Variants in CDH23 observed in about 807,000 individuals in gnomAD.
The protein encoded by CDH23 is cadherin related 23, also known as cadherin-23.
In CDH23, 189 loss-of-function variants were observed where a neutral mutation model predicts 317.1. The ratio of observed to expected loss-of-function variants is 0.60; its 90% confidence interval spans 0.53 to 0.67. CDH23 has a LOEUF of 0.67. Among genes scored for constraint, CDH23 ranks in the 30% least tolerant of loss-of-function variants. The probability of loss-of-function intolerance (pLI) is 0.00; values close to 1 mark genes in which losing one functional copy is unlikely to be tolerated. For missense variants in CDH23, 4,401 were observed against 4,592.4 expected (o/e 0.96, Z 1.20); for synonymous variants, 1,839 against 1,876.8 (o/e 0.98, Z 0.52).
chr10:71,402,577 G>T (rs1191775028), intron 1 of CDH23, among the ~76,000 whole-genome samples: 2 of 152,214 alleles, frequency 1.3e-5, no homozygotes, highest in South Asian at 2.1e-4. Context: ...CATGCAAAAT[G>T]TAGTAGCTTT....
intron 18 of CDH23, among the ~76,000 whole-genome samples, chr10:71,687,252 C>T (rs528998406): frequency 2.6e-5 from 4 of 152,286 alleles, no homozygotes; most frequent in Non-Finnish European, 5.9e-5. Flanking sequence ...GGTGGACCTA[C>T]GCAGGGGTCC....
At chr10:71,602,813 C>T (rs554267157) in intron 9 of CDH23, among the ~76,000 whole-genome samples, 2 of 152,324 alleles carry the variant, frequency 1.3e-5, no homozygotes, top group Admixed American at 6.5e-5. Flanking sequence ...CCTTATCTCA[C>T]TGAACCTCTA....
chr10:71,595,729 A>G (rs1460611238), intron 9 of CDH23, among the ~76,000 whole-genome samples: 1 of 152,114 alleles, frequency 6.6e-6, no homozygotes, highest in East Asian at 1.9e-4. Flanking sequence ...TGCGGGAGTC[A>G]TTGCCTCCCA....
At chr10:71,739,621 C>T in intron 35 of CDH23, 23 bp from the exon 36 acceptor site, 1 of 1,610,622 alleles carries the variant, frequency 6.2e-7, no homozygotes, top group Non-Finnish European at 8.5e-7. Flanking sequence ...CTGCTCACCC[C>T]TCACCCTCTC....
At chr10:71,705,692 G>A (rs918551186) in intron 25 of CDH23, among the ~76,000 whole-genome samples, 5 of 152,176 alleles carry the variant, frequency 3.3e-5, no homozygotes, top group African/African-American at 7.2e-5. Flanking sequence ...GTGAAGGGAC[G>A]GGGTACTGTT....
intron 14 of CDH23, among the ~76,000 whole-genome samples, chr10:71,649,236 C>T (rs1329552048): frequency 2.0e-5 from 3 of 152,340 alleles, no homozygotes; most frequent in African/African-American, 7.2e-5. Context: ...CTCTCCACCT[C>T]CTCTGCCACA....
intron 14 of CDH23, among the ~76,000 whole-genome samples, chr10:71,648,808 G>A (rs969295219): frequency 6.6e-6 from 1 of 152,126 alleles, no homozygotes; most frequent in Non-Finnish European, 1.5e-5. Context: ...CTGGGTTCCT[G>A]GCTTCCTTCA....
In CDH23 at chr10:71,442,494, G is replaced by T. The variant is rs552439968; in HGVS notation, c.67+2596G>T. Among the ~76,000 whole-genome samples the T allele has an allele frequency of 6.8e-4, 103 of 152,232 alleles. 1 individual carries two copies. Among genetic ancestry groups the T allele is most frequent in the African/African-American group, 2.0e-3 (85 of 41,532 alleles). On this transcript the variant is annotated intron_variant, in intron 2 of 69. Transcript: ENST00000224721. ...TCCACCTGACCCCGTCACCCCAGCC[G>T]ATCTCTACCCCCCTACCTGGTAGTC...
Position 71,495,049 on chromosome 10 carries a change from C to A in CDH23, c.146-15033C>A, listed in dbSNP as rs574033888. On this transcript the variant is annotated intron_variant, in intron 3 of 69. Coordinates refer to ENST00000224721, the MANE Select transcript of CDH23 (RefSeq NM_022124.6). ...CCACCACGGAGCCCCAGCCCTGCCC[C>A]TGAGTGGGGGCAGGGCCTCTGCCAA... Among the ~76,000 whole-genome samples the A allele has an allele frequency of 2.6e-5, 4 of 152,298 alleles. No homozygotes were observed. The South Asian group carries it at 8.3e-4, about 32-fold the overall frequency.
chr10:71,741,180 C>T (rs562171357), intron 37 of CDH23, among the ~76,000 whole-genome samples: 2 of 152,298 alleles, frequency 1.3e-5, no homozygotes, highest in African/African-American at 4.8e-5. Flanking sequence ...AGAAAGTTGC[C>T]TTTCACCAGA....
chr10:71,634,311 A>G (rs1286467166), intron 11 of CDH23, among the ~76,000 whole-genome samples: 1 of 152,242 alleles, frequency 6.6e-6, no homozygotes, highest in Admixed American at 6.5e-5. Flanking sequence ...CTGGGTGCAC[A>G]CATCCTTTTG....
At chr10:71,767,766 T>C (rs1840588517) in intron 38 of CDH23, among the ~76,000 whole-genome samples, 1 of 152,202 alleles carries the variant, frequency 6.6e-6, no homozygotes, top group African/African-American at 2.4e-5. Flanking sequence ...GATGTGTTTA[T>C]TGATACCTGC....
chr10:71,728,189 T>TC (rs965340988), intron 30 of CDH23, among the ~76,000 whole-genome samples: 3 of 151,438 alleles, frequency 2.0e-5, no homozygotes, highest in Non-Finnish European at 4.4e-5. Flanking sequence ...CCATGCAAAC[T>TC]CCCCCCCGCA....
intron 11 of CDH23, among the ~76,000 whole-genome samples, chr10:71,628,746 C>T (rs1589276888): frequency 1.3e-5 from 2 of 152,236 alleles, no homozygotes; most frequent in Admixed American, 1.3e-4. Flanking sequence ...GATCCTCCTG[C>T]CTCATCCTCC....
At chr10:71,739,878 C>T (rs541769648) in intron 36 of CDH23, 106 bp downstream of exon 36, 2 of 1,309,738 alleles carry the variant, frequency 1.5e-6, no homozygotes, top group African/African-American at 2.9e-5. Flanking sequence ...CTCTGGTGGT[C>T]AGTGCCCCTG....
At position 71,730,926 on chromosome 10, in the gene CDH23, G is replaced by A. The variant is rs1187082770; in HGVS notation, c.3715+322G>A. Among the ~76,000 whole-genome samples the A allele has an allele frequency of 3.3e-5, 5 of 152,234 alleles. No individual in the cohort carries two copies. The East Asian group carries it at 9.6e-4, about 29-fold the overall frequency. On this transcript the variant is annotated intron_variant, in intron 31 of 69. Coordinates refer to ENST00000224721, the MANE Select transcript of CDH23 (RefSeq NM_022124.6). ...GAGGGGCTGGGCAGAGCTGGGAGGG[G>A]TAAAGAGGACCGGTCAGAAAGCTGG...
At position 71,689,163 on chromosome 10, in the gene CDH23, GGAGTCAGGGGTGGTA is replaced by G. The variant is rs1564734178; in HGVS notation, c.2060-1290_2060-1276del. On this transcript the variant is annotated intron_variant, in intron 19 of 69. Transcript: ENST00000224721. ...CAGGGGTGGTGGAGTCAGGGATGGT[GGAGTCAGGGGTGGTA>G]GAGTCAGGGGTGGTGGAGCCAGGGT... is the stretch of plus-strand genomic sequence containing the variant. Among the ~76,000 whole-genome samples, 54 of 149,114 alleles carry G rather than the reference GGAGTCAGGGGTGGTA, an allele frequency of 3.6e-4. 8 individuals carry two copies. The highest frequency in any genetic ancestry group is 4.3e-4 in the Non-Finnish European group (29 of 66,710).
Position 71,408,383 on chromosome 10 carries a change from G to A in CDH23, c.-6+11065G>A, listed in dbSNP as rs149313928. Among the ~76,000 whole-genome samples, 594 of 151,900 alleles carry A rather than the reference G, an allele frequency of 3.9e-3. 2 individuals carry two copies. The highest frequency in any genetic ancestry group is 6.7e-3 in the Non-Finnish European group (453 of 68,014). Reference sequence around the variant, plus strand: ...TGTGTTAGAAGAAGAGAGAGAGAGAGAGAGAAAGAGAGAGAATTGCATCTC... The same window carrying A: ...TGTGTTAGAAGAAGAGAGAGAGAGAAAGAGAAAGAGAGAGAATTGCATCTC... On this transcript the variant is annotated intron_variant, in intron 1 of 69. Transcript: ENST00000224721.
At chr10:71,687,867 G>C in intron 19 of CDH23, 148 bp downstream of exon 19, 1 of 747,216 alleles carries the variant, frequency 1.3e-6, no homozygotes, top group South Asian at 1.7e-5. Context: ...TGACAAATCG[G>C]GGAGCCTTTG....
Sources: allele counts gnomAD v4.1 joint callset (sites outside exome capture counted in the v4.1 genomes callset), GRCh38; gene constraint gnomAD v4.1.1; transcripts MANE v1.5; gene names NCBI Gene and HGNC (gene_info 2026-07-23, HGNC 2026-07-21).